Variants in FHIT observed in about 807,000 individuals in gnomAD.
FHIT encodes the protein fragile histidine triad diadenosine triphosphatase.
In FHIT, 19 loss-of-function variants were observed where a neutral mutation model predicts 17.9. The observed-to-expected ratio is 1.06, with a 90% confidence interval of 0.74 to 1.56. The LOEUF is 1.56. Among genes scored for constraint, FHIT ranks in the 40% most tolerant of loss-of-function variants. The probability of loss-of-function intolerance (pLI) is 0.00; values close to 1 mark genes in which losing one functional copy is unlikely to be tolerated. For missense variants in FHIT, 248 were observed against 189.2 expected (o/e 1.31, Z -1.82); for synonymous variants, 81 against 69.7 (o/e 1.16, Z -0.81).
intron 8 of FHIT, among the ~76,000 whole-genome samples, chr3:59,860,671 T>C (rs1702366631): frequency 6.6e-6 from 1 of 152,142 alleles, no homozygotes; most frequent in Non-Finnish European, 1.5e-5. Context: ...TATCAGTATG[T>C]TTGTGTTTAT....
chr3:60,075,891 C>T (rs1280066403), intron 5 of FHIT, among the ~76,000 whole-genome samples: 3 of 152,034 alleles, frequency 2.0e-5, no homozygotes, highest in Admixed American at 2.0e-4. Context: ...CCTTTTTGAT[C>T]TTAAGATGGC....
intron 4 of FHIT, among the ~76,000 whole-genome samples, chr3:60,555,551 A>G (rs915572388): frequency 1.3e-5 from 2 of 152,276 alleles, no homozygotes; most frequent in Non-Finnish European, 2.9e-5. Flanking sequence ...ACAAATTGGT[A>G]TTTCTCAGCA....
intron 7 of FHIT, among the ~76,000 whole-genome samples, chr3:60,001,395 G>T (rs1259534746): frequency 6.6e-6 from 1 of 152,114 alleles, no homozygotes; most frequent in Non-Finnish European, 1.5e-5. Context: ...ATTCTTCTTA[G>T]GTTCTCAGAG....
At chr3:60,121,645 T>C (rs1035261770) in intron 5 of FHIT, among the ~76,000 whole-genome samples, 8 of 151,450 alleles carry the variant, frequency 5.3e-5, no homozygotes, top group African/African-American at 1.2e-4. Context: ...GATCATGCCA[T>C]TGCACTCCAG....
intron 4 of FHIT, among the ~76,000 whole-genome samples, chr3:60,649,603 A>G (rs2107804615): frequency 6.6e-6 from 1 of 152,274 alleles, no homozygotes; most frequent in Non-Finnish European, 1.5e-5. Context: ...TAAAACAACA[A>G]AATAGTATTA....
At chr3:59,920,999 C>T (rs1442792499) in intron 8 of FHIT, among the ~76,000 whole-genome samples, 2 of 152,156 alleles carry the variant, frequency 1.3e-5, no homozygotes, top group African/African-American at 4.8e-5. Flanking sequence ...TCAGAATCTC[C>T]AGCGACGGGA....
At chr3:59,985,992 G>T (rs930132024) in intron 7 of FHIT, among the ~76,000 whole-genome samples, 1 of 152,046 alleles carries the variant, frequency 6.6e-6, no homozygotes, top group Non-Finnish European at 1.5e-5. Flanking sequence ...GAGAAAGGAT[G>T]GGGGAAGGAA....
intron 5 of FHIT, among the ~76,000 whole-genome samples, chr3:60,136,937 A>C (rs1476808040): frequency 2.6e-5 from 4 of 152,222 alleles, no homozygotes; most frequent in Admixed American, 6.5e-5. Flanking sequence ...GATAAGAGGT[A>C]CAATATCTCC....
At chr3:60,927,173 T>C (rs1209065836) in intron 3 of FHIT, among the ~76,000 whole-genome samples, 1 of 152,188 alleles carries the variant, frequency 6.6e-6, no homozygotes, top group African/African-American at 2.4e-5. Flanking sequence ...CTGGTTTTTG[T>C]ATTTTTTGGT....
At chr3:60,490,714 G>A (rs1249531391) in intron 5 of FHIT, among the ~76,000 whole-genome samples, 1 of 150,134 alleles carries the variant, frequency 6.7e-6, no homozygotes, top group Non-Finnish European at 1.5e-5. Context: ...CACGTCTTCT[G>A]TCTCTTACTA....
intron 4 of FHIT, among the ~76,000 whole-genome samples, chr3:60,549,300 A>G (rs1411850209): frequency 6.6e-6 from 1 of 152,186 alleles, no homozygotes; most frequent in Non-Finnish European, 1.5e-5. Flanking sequence ...GTCAAAAACT[A>G]CCATCTGATT....
rs1700705506 is a variant in FHIT, at chr3:59,819,157, T to C, written c.349-66836A>G. Among the ~76,000 whole-genome samples, 8 of 152,362 alleles carry C rather than the reference T, an allele frequency of 5.3e-5. No homozygotes were observed. In the South Asian group the frequency reaches 1.5e-3, roughly 28 times the overall value. On this transcript the variant is annotated intron_variant, in intron 8 of 9. Transcript: ENST00000492590. ...TCGGATACAACTTCTGTTAACAATATGGCCTACTGGGTTAGCAAAGAAACC... is the reference window on the plus strand; with the variant it reads ...TCGGATACAACTTCTGTTAACAATACGGCCTACTGGGTTAGCAAAGAAACC...
chr3:59,897,641 C>T (rs1458207408), intron 8 of FHIT, among the ~76,000 whole-genome samples: 3 of 152,078 alleles, frequency 2.0e-5, no homozygotes, highest in Non-Finnish European at 4.4e-5. Flanking sequence ...GCACAGCTTA[C>T]CAGAAAAGTT....
intron 4 of FHIT, among the ~76,000 whole-genome samples, chr3:60,791,575 T>C (rs67310975): frequency 0.056 from 8,469 of 152,164 alleles, 253 homozygotes; most frequent in African/African-American, 0.082. Context: ...ACAGGTGAAA[T>C]ACAAAGCATC....
chr3:60,771,627 G>A (rs1700045699), intron 4 of FHIT, among the ~76,000 whole-genome samples: 1 of 152,108 alleles, frequency 6.6e-6, no homozygotes, highest in African/African-American at 2.4e-5. Context: ...AAGTGCTACA[G>A]GAAAGTATTT....
intron 2 of FHIT, among the ~76,000 whole-genome samples, chr3:61,103,360 G>A (rs539830966): frequency 7.2e-5 from 11 of 152,222 alleles, no homozygotes; most frequent in East Asian, 1.9e-4. Flanking sequence ...GTGGTTGTGC[G>A]GCTTTCAGTG....
At chr3:60,830,691 A>G (rs568203786) in intron 3 of FHIT, among the ~76,000 whole-genome samples, 6 of 152,330 alleles carry the variant, frequency 3.9e-5, no homozygotes, top group East Asian at 1.9e-4. Context: ...GCAAAAAGCT[A>G]TAATATGGCC....
intron 5 of FHIT, among the ~76,000 whole-genome samples, chr3:60,109,585 G>C (rs1416402858): frequency 3.3e-5 from 5 of 152,104 alleles, no homozygotes; most frequent in Admixed American, 2.6e-4. Flanking sequence ...ACAGAGAAAG[G>C]GGCTGAATAT....
At chr3:61,064,173 G>C (rs1448689341) in intron 2 of FHIT, among the ~76,000 whole-genome samples, 1 of 152,150 alleles carries the variant, frequency 6.6e-6, no homozygotes, top group Non-Finnish European at 1.5e-5. Flanking sequence ...TAGCCAAAGA[G>C]AAATCGAAAG....
Sources: gnomAD v4.1 joint callset for allele counts (sites outside exome capture counted in the v4.1 genomes callset) on GRCh38, gnomAD v4.1.1 for gene constraint, MANE v1.5 for transcripts, NCBI Gene and HGNC (gene_info 2026-07-23, HGNC 2026-07-21) for gene names.